PDCD1LG2: variants seen among roughly 807,000 people sequenced by gnomAD.
PDCD1LG2 encodes B7 dendritic cell molecule.
A neutral mutation model predicts 28.2 loss-of-function variants in PDCD1LG2; 32 were observed. That is an observed-to-expected ratio of 1.13 (90% CI 0.86 to 1.52). The LOEUF is 1.52. Ranked by LOEUF, PDCD1LG2 falls within the 40% of genes most tolerant of loss-of-function variation. The probability of loss-of-function intolerance (pLI) is 0.00; values close to 1 mark genes in which losing one functional copy is unlikely to be tolerated. For missense variants in PDCD1LG2, 385 were observed against 323.8 expected (o/e 1.19, Z -1.45); for synonymous variants, 116 against 120.2 (o/e 0.97, Z 0.23).
At chr9:5,526,540 T>G (rs907449404) in intron 2 of PDCD1LG2, among the ~76,000 whole-genome samples, 1 of 152,128 alleles carries the variant, frequency 6.6e-6, no homozygotes, top group Non-Finnish European at 1.5e-5. Flanking sequence ...CAGGCTCAAG[T>G]GAGTCTCCTG....
intron 4 of PDCD1LG2, among the ~76,000 whole-genome samples, chr9:5,552,920 G>T (rs1816365694): frequency 6.6e-6 from 1 of 152,100 alleles, no homozygotes; most frequent in African/African-American, 2.4e-5. Context: ...GGAAAGAGAG[G>T]AGTCATGCTA....
At position 5,569,049 on chromosome 9, in the gene PDCD1LG2, C is replaced by G. The variant is rs533370338; in HGVS notation, c.817-905C>G. 6.6e-6 allele frequency among the ~76,000 whole-genome samples: 1 copy of G among 152,110 alleles called. No individual in the cohort carries two copies. The highest frequency in any genetic ancestry group is 1.5e-5 in the Non-Finnish European group (1 of 68,016). On this transcript the variant is annotated intron_variant, in intron 6 of 6. Coordinates refer to ENST00000397747, the MANE Select transcript of PDCD1LG2 (RefSeq NM_025239.4). This position sits in a 1 kb window ranked among gnomAD's most constrained non-coding sequence, Gnocchi z 4.1. The stretch of plus-strand genomic sequence containing the variant: ...AGGCAGGAAGGTGTGGGAAAGTGCA[C>G]GTGACCCCGTTCAGAGAGAAAGCCA...
chr9:5,541,901 C>T (rs1249508510), intron 3 of PDCD1LG2, among the ~76,000 whole-genome samples: 1 of 152,096 alleles, frequency 6.6e-6, no homozygotes, highest in Non-Finnish European at 1.5e-5. Context: ...AAGAACAAAC[C>T]TGGAGGCATC....
chr9:5,521,761 G>A (rs1258417458), intron 1 of PDCD1LG2, among the ~76,000 whole-genome samples: 1 of 152,190 alleles, frequency 6.6e-6, no homozygotes, highest in Non-Finnish European at 1.5e-5. Flanking sequence ...GATTTCCCCT[G>A]AAGAAATGAT....
At chr9:5,529,076 T>A (rs1030198323) in intron 2 of PDCD1LG2, among the ~76,000 whole-genome samples, 1 of 152,272 alleles carries the variant, frequency 6.6e-6, no homozygotes, top group Non-Finnish European at 1.5e-5. Context: ...ATATTGATTT[T>A]CAAATATTCT....
chr9:5,519,042 G>T (rs996414354), intron 1 of PDCD1LG2, among the ~76,000 whole-genome samples: 1 of 152,200 alleles, frequency 6.6e-6, no homozygotes, highest in African/African-American at 2.4e-5. Flanking sequence ...GGCACACCAT[G>T]CCACAAAGGG....
intron 3 of PDCD1LG2, among the ~76,000 whole-genome samples, chr9:5,539,129 A>G (rs996898127): frequency 3.9e-5 from 6 of 152,214 alleles, no homozygotes; most frequent in African/African-American, 1.4e-4. Flanking sequence ...TAATTGTTTT[A>G]CTAAAAAAAT....
intron 2 of PDCD1LG2, among the ~76,000 whole-genome samples, chr9:5,534,354 C>T (rs1274405749): frequency 1.3e-5 from 2 of 152,082 alleles, no homozygotes; most frequent in South Asian, 2.1e-4. Context: ...GTAGGGAAGT[C>T]GAAAGGAAGC....
chr9:5,525,776 T>A (rs77350711), intron 2 of PDCD1LG2, among the ~76,000 whole-genome samples: 1 of 152,044 alleles, frequency 6.6e-6, no homozygotes, highest in Non-Finnish European at 1.5e-5. Flanking sequence ...AGGCCGGGCA[T>A]GGTGGCTCAC....
intron 3 of PDCD1LG2, among the ~76,000 whole-genome samples, chr9:5,542,988 A>C (rs1820715064): frequency 6.6e-6 from 1 of 150,378 alleles, no homozygotes; most frequent in Non-Finnish European, 1.5e-5. Context: ...TTATACATAC[A>C]TATATATATG....
intron 1 of PDCD1LG2, among the ~76,000 whole-genome samples, chr9:5,512,990 T>C (rs573173651): frequency 6.6e-6 from 1 of 152,310 alleles, no homozygotes; most frequent in Non-Finnish European, 1.5e-5. Context: ...AGTTAGGGCC[T>C]TGTTACCAAA....
chr9:5,539,896 A>T (rs1436800884), intron 3 of PDCD1LG2, among the ~76,000 whole-genome samples: 10 of 152,254 alleles, frequency 6.6e-5, no homozygotes, highest in Non-Finnish European at 8.8e-5. Flanking sequence ...AAATAGACTT[A>T]ACAGATATTT....
chr9:5,531,905 C>T (rs1405651247), intron 2 of PDCD1LG2, among the ~76,000 whole-genome samples: 1 of 152,146 alleles, frequency 6.6e-6, no homozygotes, highest in African/African-American at 2.4e-5. Context: ...ATGATTACTA[C>T]ATATTTGATG....
intron 2 of PDCD1LG2, among the ~76,000 whole-genome samples, chr9:5,526,238 T>C (rs1174365442): frequency 1.3e-5 from 2 of 152,148 alleles, no homozygotes; most frequent in African/African-American, 2.4e-5. Context: ...TTGTAAAATA[T>C]ATCACAGAGA....
chr9:5,565,702 T>A (rs185596041), intron 6 of PDCD1LG2, among the ~76,000 whole-genome samples: 1 of 152,294 alleles, frequency 6.6e-6, no homozygotes, highest in East Asian at 1.9e-4. Context: ...TATTTGATAT[T>A]TGTCTTTCTG....
intron 2 of PDCD1LG2, among the ~76,000 whole-genome samples, chr9:5,525,344 A>T (rs1196895436): frequency 3.0e-4 from 12 of 40,002 alleles, no homozygotes; most frequent in South Asian, 2.6e-3. Flanking sequence ...GATTCCATTT[A>T]AAAAAAAAAA....
In PDCD1LG2 at chr9:5,534,728, T is replaced by C. The variant is rs1387338416; in HGVS notation, c.56-17T>C. The C allele has an allele frequency of 1.3e-6, 2 of 1,573,088 alleles. No homozygotes were observed. Among genetic ancestry groups the C allele is most frequent in the Admixed American group, 1.8e-5 (1 of 56,426 alleles). ...AGTAAAGGCAGACAATGACAAAATATCTTGTTTTCTTTTCAGCTTTATTCA... is the reference window on the plus strand; with the variant it reads ...AGTAAAGGCAGACAATGACAAAATACCTTGTTTTCTTTTCAGCTTTATTCA... On this transcript the variant is annotated splice_polypyrimidine_tract_variant and intron_variant, in intron 2 of 6. Transcript: ENST00000397747.
At chr9:5,559,738 A>T (rs2129931838) in intron 5 of PDCD1LG2, among the ~76,000 whole-genome samples, 1 of 152,320 alleles carries the variant, frequency 6.6e-6, no homozygotes, top group South Asian at 2.1e-4. Context: ...ATAGGCTTTT[A>T]AAAATCATAA....
intron 6 of PDCD1LG2, 149 bp downstream of exon 6, chr9:5,563,360 G>C (rs1049017834): frequency 2.7e-6 from 2 of 729,978 alleles, no homozygotes; most frequent in African/African-American, 3.6e-5. Context: ...TTTCAGCGAA[G>C]CCTCGTTCTT....
Sources: allele counts gnomAD v4.1 joint callset (sites outside exome capture counted in the v4.1 genomes callset), GRCh38; gene constraint gnomAD v4.1.1; non-coding constraint Gnocchi (gnomAD v3.1); transcripts MANE v1.5; gene names NCBI Gene and HGNC (gene_info 2026-07-23, HGNC 2026-07-21).